The following PCDHA9 variants were observed in gnomAD, a reference collection of about 807,000 sequenced individuals.
The protein encoded by PCDHA9 is protocadherin alpha 9, also known as protocadherin alpha-9.
In PCDHA9, 62 loss-of-function variants were observed where a neutral mutation model predicts 62.0. The ratio of observed to expected loss-of-function variants is 1.00; its 90% confidence interval spans 0.81 to 1.23. The LOEUF (loss-of-function observed/expected upper bound fraction) is 1.23. Among genes scored for constraint, PCDHA9 ranks in the 50% most tolerant of loss-of-function variants. The pLI, the probability that PCDHA9 is intolerant of heterozygous loss-of-function variation, is 0.00. For synonymous variants in PCDHA9, 557 were observed against 567.6 expected (o/e 0.98, Z 0.27); for missense variants, 1,205 against 1,249.8 (o/e 0.96, Z 0.54).
At chr5:140,908,578 GTAGT>G (rs1554193408) in intron 1 of PCDHA9, among the ~76,000 whole-genome samples, 1 of 152,196 alleles carries the variant, frequency 6.6e-6, no homozygotes, top group African/African-American at 2.4e-5. Flanking sequence ...CAAAAGGAGA[GTAGT>G]TAGCTGCAGA....
chr5:140,990,369 C>T (rs2097390541), intron 3 of PCDHA9, among the ~76,000 whole-genome samples: 1 of 152,054 alleles, frequency 6.6e-6, no homozygotes, highest in South Asian at 2.1e-4. Flanking sequence ...TCTAATAAAG[C>T]AAATTTGTTG....
intron 1 of PCDHA9, chr5:140,884,511 G>A (rs1202323930): frequency 6.2e-7 from 1 of 1,614,192 alleles, no homozygotes; most frequent in Non-Finnish European, 8.5e-7. Flanking sequence ...GCAGGGAGTT[G>A]GTCGTACTCG....
At chr5:141,008,206 G>A (rs979113429) in intron 3 of PCDHA9, among the ~76,000 whole-genome samples, 1 of 152,184 alleles carries the variant, frequency 6.6e-6, no homozygotes, top group African/African-American at 2.4e-5. Flanking sequence ...TAATGAACTT[G>A]ACATGAGTTA....
rs540052499 is a variant in PCDHA9 at position 140,992,812 on chromosome 5, G to A, written c.2542+10249G>A. Among the ~76,000 whole-genome samples the A allele has an allele frequency of 2.5e-4, 38 of 152,228 alleles. No homozygotes were observed. The South Asian group carries it at 7.9e-3, about 32-fold the overall frequency. ...TTTTATGGATCCATATGTATCTAAG[G>A]ATGTGTTTGTTTTTTGGGAACATTT... is the stretch of plus-strand genomic sequence containing the variant. On this transcript the variant is annotated intron_variant, in intron 3 of 3. Transcript: ENST00000532602.
intron 1 of PCDHA9, chr5:140,862,531 C>T (rs782753899): frequency 4.6e-6 from 2 of 431,454 alleles, no homozygotes; most frequent in Non-Finnish European, 9.4e-6. Flanking sequence ...CCACAGCCAT[C>T]GGGTCCGTGG....
intron 1 of PCDHA9, chr5:140,851,823 G>GT (rs1343370929): frequency 9.3e-6 from 9 of 962,984 alleles, no homozygotes; most frequent in South Asian, 4.8e-5. Context: ...ACAGAAATCT[G>GT]TTTTTTTAAA....
At chr5:140,984,968 C>T (rs1380988893) in intron 3 of PCDHA9, among the ~76,000 whole-genome samples, 1 of 151,950 alleles carries the variant, frequency 6.6e-6, no homozygotes, top group South Asian at 2.1e-4. Flanking sequence ...GACAGAGTCT[C>T]GCTCTGTCCC....
intron 1 of PCDHA9, chr5:140,883,054 C>T: frequency 6.2e-7 from 1 of 1,614,072 alleles, no homozygotes; most frequent in South Asian, 1.1e-5. Context: ...CATTAGTGAT[C>T]AAGCTAAATG....
chr5:140,881,555 A>G (rs2058748140), intron 1 of PCDHA9, among the ~76,000 whole-genome samples: 2 of 152,236 alleles, frequency 1.3e-5, no homozygotes, highest in South Asian at 2.1e-4. Context: ...TTGAATATAA[A>G]TATCTTATCT....
At chr5:140,927,072 C>A in intron 1 of PCDHA9, 2 of 1,610,790 alleles carry the variant, frequency 1.2e-6, no homozygotes, top group Non-Finnish European at 1.7e-6. Flanking sequence ...TCCTTTCCAG[C>A]CACCGCGAGC....
intron 1 of PCDHA9, among the ~76,000 whole-genome samples, chr5:140,971,368 G>A (rs1433220574): frequency 1.3e-5 from 2 of 152,186 alleles, no homozygotes; most frequent in Non-Finnish European, 2.9e-5. Context: ...TGCCAGGAGA[G>A]TGCATGACTT....
chr5:140,950,865 T>C (rs1419138561), intron 1 of PCDHA9, among the ~76,000 whole-genome samples: 1 of 152,098 alleles, frequency 6.6e-6, no homozygotes, highest in Non-Finnish European at 1.5e-5. Context: ...TTCTTGTATA[T>C]TCTATATTGT....
chr5:141,008,072 T>G (rs1419103459), intron 3 of PCDHA9, among the ~76,000 whole-genome samples: 3 of 152,154 alleles, frequency 2.0e-5, no homozygotes, highest in African/African-American at 7.2e-5. Context: ...TAAGAACTTA[T>G]TGGGGTTATT....
chr5:140,883,403 T>G, intron 1 of PCDHA9: 1 of 1,614,168 alleles, frequency 6.2e-7, no homozygotes, highest in Non-Finnish European at 8.5e-7. Context: ...CGATCGTGAC[T>G]CTGGCTCAAA....
chr5:140,856,541 G>T lies in PCDHA9; in HGVS notation c.2394+5652G>T, dbSNP rs1554148841. 5.0e-6 allele frequency: 8 copies of T among 1,598,164 alleles called. 2 individuals carry two copies. Among genetic ancestry groups the T allele is most frequent in the South Asian group, 4.4e-5 (4 of 90,522 alleles). On this transcript the variant is annotated intron_variant, in intron 1 of 3. Transcript: ENST00000532602. ...ATCTGATGCGGATGTTGGAGAGAAC[G>T]CATTGCTTACTTACAAACTCAGTCC...
chr5:140,986,732 C>T (rs1427962629), intron 3 of PCDHA9, among the ~76,000 whole-genome samples: 1 of 152,150 alleles, frequency 6.6e-6, no homozygotes, highest in African/African-American at 2.4e-5. Context: ...CTTCTCAAGA[C>T]CCCAGGGGAT....
At chr5:140,909,772 A>T (rs2074681843) in intron 1 of PCDHA9, among the ~76,000 whole-genome samples, 1 of 152,166 alleles carries the variant, frequency 6.6e-6, no homozygotes, top group Non-Finnish European at 1.5e-5. Context: ...CCAGGGACCC[A>T]CTGGACCCAC....
intron 1 of PCDHA9, chr5:140,859,371 T>A: frequency 3.8e-6 from 1 of 264,536 alleles, no homozygotes; most frequent in Non-Finnish European, 6.9e-6. Flanking sequence ...TTGTATAGTT[T>A]AATAGCTTCT....
chr5:140,951,833 A>G (rs2094641584), intron 1 of PCDHA9, among the ~76,000 whole-genome samples: 1 of 152,190 alleles, frequency 6.6e-6, no homozygotes, highest in Admixed American at 6.5e-5. Flanking sequence ...TCATTCCAGC[A>G]TTAAGCCAAA....
Sources: gnomAD v4.1 joint callset for allele counts (sites outside exome capture counted in the v4.1 genomes callset) on GRCh38, gnomAD v4.1.1 for gene constraint, MANE v1.5 for transcripts, NCBI Gene and HGNC (gene_info 2026-07-23, HGNC 2026-07-21) for gene names.